EDIL3: variants seen among roughly 807,000 people sequenced by gnomAD.
EDIL3 encodes EGF like and discoidin domains 3, also known as EGF-like repeat and discoidin I-like domain-containing protein 3.
In EDIL3, 37 loss-of-function variants were observed where a neutral mutation model predicts 67.4. The observed-to-expected ratio is 0.55, with a 90% confidence interval of 0.42 to 0.72. EDIL3 has a LOEUF of 0.72. Among genes scored for constraint, EDIL3 ranks in the 30% least tolerant of loss-of-function variants. The pLI, the probability that EDIL3 is intolerant of heterozygous loss-of-function variation, is 0.00. For synonymous variants in EDIL3, 195 were observed against 196.3 expected (o/e 0.99, Z 0.05); for missense variants, 527 against 586.3 (o/e 0.90, Z 1.04).
chr5:84,239,981 A>C (rs1744763657), intron 2 of EDIL3, among the ~76,000 whole-genome samples: 1 of 152,148 alleles, frequency 6.6e-6, no homozygotes, highest in African/African-American at 2.4e-5. Context: ...TGACATTTCT[A>C]GTTGTAGATG....
intron 10 of EDIL3, 47 bp downstream of exon 10, chr5:83,963,158 T>G: frequency 1.3e-6 from 2 of 1,548,420 alleles, no homozygotes; most frequent in Middle Eastern, 1.7e-4. Context: ...TTGGGTGTAA[T>G]TTGATCCTCC....
intron 2 of EDIL3, among the ~76,000 whole-genome samples, chr5:84,248,819 C>G (rs1744963595): frequency 6.6e-6 from 1 of 152,138 alleles, no homozygotes; most frequent in African/African-American, 2.4e-5. Flanking sequence ...ATGGTATCAT[C>G]TAAATACTCA....
chr5:84,315,777 T>A (rs1746500458), intron 1 of EDIL3, among the ~76,000 whole-genome samples: 1 of 151,976 alleles, frequency 6.6e-6, no homozygotes, highest in South Asian at 2.1e-4. Flanking sequence ...AAGACATTCC[T>A]CGAGAAGAGC....
At chr5:84,229,809 G>A (rs1160928739) in intron 3 of EDIL3, 46 bp downstream of exon 3, 2 of 1,564,754 alleles carry the variant, frequency 1.3e-6, no homozygotes, top group African/African-American at 1.4e-5. Context: ...TATTATTAAA[G>A]GCATGACATT....
chr5:84,051,652 C>T (rs1028859755), intron 9 of EDIL3, among the ~76,000 whole-genome samples: 11 of 152,294 alleles, frequency 7.2e-5, no homozygotes, highest in African/African-American at 2.4e-4. Flanking sequence ...ATGAGAACTA[C>T]GTGACAAATG....
intron 7 of EDIL3, among the ~76,000 whole-genome samples, chr5:84,065,735 A>C (rs1027241330): frequency 1.3e-4 from 20 of 152,330 alleles, no homozygotes; most frequent in Middle Eastern, 6.8e-3. Flanking sequence ...TATGAAGCAT[A>C]TAAAGATATA....
rs537527200 is a variant in EDIL3 at position 84,079,302 on chromosome 5, C to A, written c.652-12696G>T. 1.3e-4 allele frequency among the ~76,000 whole-genome samples: 20 copies of A among 152,098 alleles called. 1 individual carries two copies. The East Asian group carries it at 3.9e-3, about 30-fold the overall frequency. ...GAGGCATCCTAGCAAATTATTTGAA[C>A]CCAGTGAGGGTGTAGTGGGAACCCC... On this transcript the variant is annotated intron_variant, in intron 6 of 10. Coordinates refer to ENST00000296591, the MANE Select transcript of EDIL3 (RefSeq NM_005711.5).
At chr5:84,297,882 G>A (rs899093875) in intron 1 of EDIL3, among the ~76,000 whole-genome samples, 1 of 152,020 alleles carries the variant, frequency 6.6e-6, no homozygotes, top group Non-Finnish European at 1.5e-5. Context: ...CCAGAGCCAC[G>A]AGCCCTGGAT....
chr5:84,100,415 T>G lies in EDIL3; in HGVS notation c.651+6234A>C, dbSNP rs1747341336. On this transcript the variant is annotated intron_variant, in intron 6 of 10. Transcript: ENST00000296591. ...AGCCACAAAGAAGGATGAGTTCACATCCTTGGCAGGGACATGGATGAAGCT... is the reference window on the plus strand; with the variant it reads ...AGCCACAAAGAAGGATGAGTTCACAGCCTTGGCAGGGACATGGATGAAGCT... 2.0e-5 allele frequency among the ~76,000 whole-genome samples: 3 copies of G among 152,226 alleles called. No individual in the cohort carries two copies. The South Asian group carries it at 6.2e-4, about 32-fold the overall frequency.
chr5:84,175,935 T>G (rs980491049), intron 4 of EDIL3, among the ~76,000 whole-genome samples: 3 of 151,934 alleles, frequency 2.0e-5, no homozygotes, highest in Non-Finnish European at 2.9e-5. Flanking sequence ...AGCACGTAAT[T>G]GCCAAATATG....
At chr5:84,265,148 CA>C (rs1427070570) in intron 1 of EDIL3, among the ~76,000 whole-genome samples, 1 of 152,136 alleles carries the variant, frequency 6.6e-6, no homozygotes, top group Admixed American at 6.5e-5. Context: ...AAAAAAATTG[CA>C]AAGCCTAATT....
Position 84,188,282 on chromosome 5 carries a change from G to A in EDIL3, c.227-7761C>T, listed in dbSNP as rs143690468. Among the ~76,000 whole-genome samples the A allele has an allele frequency of 2.0e-3, 305 of 152,028 alleles. 1 individual carries two copies. Among genetic ancestry groups the A allele is most frequent in the African/African-American group, 7.2e-3 (297 of 41,508 alleles). ...AACAATAGAATTTTATTCCTTCAGA[G>A]TTCTAGAAGCTAGAAGTCTGAAATC... is the stretch of plus-strand genomic sequence containing the variant. On this transcript the variant is annotated intron_variant, in intron 3 of 10. Transcript: ENST00000296591.
intron 1 of EDIL3, among the ~76,000 whole-genome samples, chr5:84,363,685 C>T (rs1221867209): frequency 6.6e-6 from 1 of 152,158 alleles, no homozygotes; most frequent in Admixed American, 6.5e-5. Context: ...AGAAACATAG[C>T]AAGAGGTAAG....
chr5:84,367,727 G>A (rs1478605138), intron 1 of EDIL3, among the ~76,000 whole-genome samples: 4 of 152,180 alleles, frequency 2.6e-5, no homozygotes, highest in Non-Finnish European at 4.4e-5. Context: ...ACATTTCAGT[G>A]AGCCGAGATG....
chr5:84,382,163 T>C (rs1490716299), intron 1 of EDIL3, among the ~76,000 whole-genome samples: 1 of 152,338 alleles, frequency 6.6e-6, no homozygotes, highest in Admixed American at 6.5e-5. Context: ...TCCTCAAGCC[T>C]TTCCCCTGTC....
At chr5:84,367,702 GA>G (rs1187039657) in intron 1 of EDIL3, among the ~76,000 whole-genome samples, 1 of 152,106 alleles carries the variant, frequency 6.6e-6, no homozygotes, top group Non-Finnish European at 1.5e-5. Flanking sequence ...CGAATCCCTT[GA>G]ATCCAGGAGG....
chr5:84,132,254 AT>A (rs1396176281), intron 5 of EDIL3, among the ~76,000 whole-genome samples: 1 of 124,414 alleles, frequency 8.0e-6, no homozygotes, highest in African/African-American at 3.1e-5. Flanking sequence ...AAAAGAAAAA[AT>A]ATATATATAA....
intron 9 of EDIL3, among the ~76,000 whole-genome samples, chr5:84,019,210 C>A (rs75913435): frequency 0.027 from 4,120 of 152,172 alleles, 71 homozygotes; most frequent in Middle Eastern, 0.065. Flanking sequence ...GAATACTATG[C>A]AGCCATAAAA....
At position 84,218,678 on chromosome 5, in the gene EDIL3, G is replaced by A. The variant is rs568563851; in HGVS notation, c.226+11177C>T. Among the ~76,000 whole-genome samples, 141 of 152,308 alleles carry A rather than the reference G, an allele frequency of 9.3e-4. No homozygotes were observed. In the Middle Eastern group the frequency reaches 0.01, roughly 11 times the overall value. ...CCTGTACTGGACCAGAGGGGAGACCGCTGCCCTGAAGGGAGAGTCCCAGGC... is the reference window on the plus strand; with the variant it reads ...CCTGTACTGGACCAGAGGGGAGACCACTGCCCTGAAGGGAGAGTCCCAGGC... On this transcript the variant is annotated intron_variant, in intron 3 of 10. Transcript: ENST00000296591.
Sources: gnomAD v4.1 joint callset for allele counts (sites outside exome capture counted in the v4.1 genomes callset) on GRCh38, gnomAD v4.1.1 for gene constraint, MANE v1.5 for transcripts, NCBI Gene and HGNC (gene_info 2026-07-23, HGNC 2026-07-21) for gene names.